GRM5: variants seen among roughly 807,000 people sequenced by gnomAD.
GRM5 encodes metabotropic glutamate receptor 5.
A neutral mutation model predicts 83.1 loss-of-function variants in GRM5; 19 were observed. The ratio of observed to expected loss-of-function variants is 0.23; its 90% CI spans 0.16 to 0.34. GRM5 has a LOEUF of 0.34. Among genes scored for constraint, GRM5 ranks in the 10% least tolerant of loss-of-function variants. The probability of loss-of-function intolerance (pLI) is 1.00; values close to 1 mark genes in which losing one functional copy is unlikely to be tolerated. For missense variants in GRM5, 1,160 were observed against 1,588.3 expected, an observed-to-expected ratio of 0.73 and a Z score of 4.58; for synonymous variants, 675 against 633.6, an observed-to-expected ratio of 1.07 and a Z score of -0.98.
At chr11:88,997,333 T>TAAAAAAAAAAAAAAAAAAA (rs371168643) in intron 2 of GRM5, among the ~76,000 whole-genome samples, 1 of 119,948 alleles carries the variant, frequency 8.3e-6, no homozygotes, top group Non-Finnish European at 1.8e-5. Context: ...GTCTCAAAAT[T>TAAAAAAAAAAAAAAAAAAA]AAAAAAAAAA....
chr11:89,053,484 T>G (rs577926303), intron 1 of GRM5, among the ~76,000 whole-genome samples: 3 of 152,290 alleles, frequency 2.0e-5, no homozygotes, highest in South Asian at 2.1e-4. Flanking sequence ...ATACATCAAA[T>G]CTATCAGCAT....
intron 2 of GRM5, among the ~76,000 whole-genome samples, chr11:88,851,698 C>A (rs1487659141): frequency 6.6e-6 from 1 of 152,172 alleles, no homozygotes; most frequent in Non-Finnish European, 1.5e-5. Context: ...CAAATGAAAT[C>A]TGTTAACTTT....
At chr11:89,002,839 C>T (rs557649119) in intron 2 of GRM5, among the ~76,000 whole-genome samples, 14 of 152,184 alleles carry the variant, frequency 9.2e-5, no homozygotes, top group East Asian at 1.9e-4. Context: ...ACCTAGGGAG[C>T]ACCTTCATCT....
chr11:88,525,361 A>C lies in GRM5; in HGVS notation c.2674T>G (p.Cys892Gly). 1.9e-6 allele frequency: 3 copies of C among 1,612,466 alleles called. No individual in the cohort carries two copies. The highest frequency in any genetic ancestry group is 2.5e-6 in the Non-Finnish European group (3 of 1,178,816). Residue 892 changes from cysteine (C) to glycine (G), a missense_variant, in exon 9 of 10, where the codon TGT (cysteine) becomes GGT (glycine). Cys to Gly is a radical substitution (Grantham distance 159). Around this residue, in one of 9 missense-constraint regions of GRM5, gnomAD observed 562 missense variants for 532.4 expected, o/e 1.06. Coordinates refer to ENST00000305447, the MANE Select transcript of GRM5 (RefSeq NM_001143831.3). ...CCCATACTCCCTTTGGGGGTGAAAC[A>C]CTCTATTTCCGACTTGTGCTGGGCC... The part of the protein sequence containing the change: ...RLAQHKSEIE[C>G]FTPKGSMGNG...
chr11:88,935,622 C>T (rs932967276), intron 2 of GRM5, among the ~76,000 whole-genome samples: 1 of 151,870 alleles, frequency 6.6e-6, no homozygotes, highest in Non-Finnish European at 1.5e-5. Flanking sequence ...AAGTCCCTCA[C>T]TACAACAAAA....
chr11:88,818,612 T>G (rs1419542554), intron 3 of GRM5, among the ~76,000 whole-genome samples: 1 of 152,160 alleles, frequency 6.6e-6, no homozygotes, highest in Non-Finnish European at 1.5e-5. Flanking sequence ...TTGCAAGTGA[T>G]AGTAGACCAA....
At chr11:88,719,450 A>G (rs552081134) in intron 3 of GRM5, among the ~76,000 whole-genome samples, 9 of 152,084 alleles carry the variant, frequency 5.9e-5, no homozygotes, top group African/African-American at 2.2e-4. Context: ...CATTTTCTTC[A>G]TCCAGTCTAT....
At chr11:88,834,947 G>A (rs1944065341) in intron 3 of GRM5, among the ~76,000 whole-genome samples, 1 of 152,040 alleles carries the variant, frequency 6.6e-6, no homozygotes, top group African/African-American at 2.4e-5. Context: ...GAGTTGAAGA[G>A]AACCGTTTTT....
chr11:89,020,647 G>A (rs956951291), intron 2 of GRM5, among the ~76,000 whole-genome samples: 4 of 152,106 alleles, frequency 2.6e-5, no homozygotes, highest in African/African-American at 9.7e-5. Flanking sequence ...CAGAACCGGA[G>A]GAACCATCGA....
chr11:89,038,497 T>C (rs1941448548), intron 2 of GRM5, among the ~76,000 whole-genome samples: 1 of 152,172 alleles, frequency 6.6e-6, no homozygotes, highest in South Asian at 2.1e-4. Flanking sequence ...GAGCCTGTGA[T>C]GGAGATGTAA....
intron 3 of GRM5, among the ~76,000 whole-genome samples, chr11:88,753,159 G>A (rs1195772815): frequency 2.0e-5 from 3 of 151,950 alleles, no homozygotes; most frequent in African/African-American, 7.2e-5. Context: ...CTATCAGACT[G>A]AACAGACAAC....
At chr11:88,925,300 G>C (rs1945768111) in intron 2 of GRM5, among the ~76,000 whole-genome samples, 1 of 149,256 alleles carries the variant, frequency 6.7e-6, no homozygotes, top group Non-Finnish European at 1.5e-5. Context: ...GAAAAGATCA[G>C]AGATACTGAC....
Position 88,724,080 on chromosome 11 carries a change from A to G in GRM5, c.912-70677T>C, listed in dbSNP as rs546274063. On this transcript the variant is annotated intron_variant, in intron 3 of 9. Transcript: ENST00000305447. The stretch of plus-strand genomic sequence containing the variant: ...ATAGTTCAAATCCTTAATATAATCT[A>G]TGAGGACTTACATGTGCTCGTAGCT... Among the ~76,000 whole-genome samples the G allele has an allele frequency of 2.0e-5, 3 of 152,252 alleles. No homozygotes were observed. The South Asian group carries it at 6.2e-4, about 32-fold the overall frequency.
At chr11:88,697,373 G>T (rs774848500) in intron 3 of GRM5, among the ~76,000 whole-genome samples, 3 of 152,268 alleles carry the variant, frequency 2.0e-5, no homozygotes, top group Middle Eastern at 3.4e-3. Context: ...GTTCCCAGAG[G>T]ACCATTTATG....
At chr11:88,591,337 T>C (rs894699347) in intron 6 of GRM5, among the ~76,000 whole-genome samples, 3 of 152,172 alleles carry the variant, frequency 2.0e-5, no homozygotes, top group Non-Finnish European at 4.4e-5. Context: ...GGTAGCCTTG[T>C]TTTGTTTGAA....
At chr11:88,889,863 A>C (rs1219889553) in intron 2 of GRM5, among the ~76,000 whole-genome samples, 1 of 147,316 alleles carries the variant, frequency 6.8e-6, no homozygotes, top group Non-Finnish European at 1.5e-5. Flanking sequence ...ACAAACAAAC[A>C]AAAAAAACCC....
intron 1 of GRM5, among the ~76,000 whole-genome samples, chr11:89,057,186 G>C (rs1220523787): frequency 6.6e-6 from 1 of 152,134 alleles, no homozygotes; most frequent in Non-Finnish European, 1.5e-5. Flanking sequence ...TGCCTGATCA[G>C]TGGCCTCATC....
intron 3 of GRM5, among the ~76,000 whole-genome samples, chr11:88,708,016 A>G (rs190751511): frequency 1.3e-5 from 2 of 152,188 alleles, no homozygotes; most frequent in East Asian, 3.9e-4. Flanking sequence ...CACCTGCACT[A>G]CAATTTTCCT....
At chr11:88,524,455 T>G (rs1032383384) in intron 9 of GRM5, among the ~76,000 whole-genome samples, 24 of 152,156 alleles carry the variant, frequency 1.6e-4, no homozygotes, top group East Asian at 9.7e-4. Flanking sequence ...TGACCTCAGC[T>G]GATCCACCCG....
Sources: gnomAD v4.1 joint callset for allele counts (sites outside exome capture counted in the v4.1 genomes callset) on GRCh38, gnomAD v4.1.1 for gene constraint, gnomAD v4.1.1 regional missense constraint, MANE v1.5 for transcripts, NCBI Gene and HGNC (gene_info 2026-07-23, HGNC 2026-07-21) for gene names.